SIMC1: variants seen among roughly 807,000 people sequenced by gnomAD.
SIMC1 encodes SUMO interacting motifs containing 1.
In SIMC1, 55 loss-of-function variants were observed where a neutral mutation model predicts 82.3. That is an observed-to-expected ratio of 0.67 (90% CI 0.54 to 0.84). The LOEUF (loss-of-function observed/expected upper bound fraction) is 0.84. SIMC1 is among the 40% of genes least tolerant of loss of function. SIMC1 has a pLI of 0.00. For missense variants in SIMC1, 915 were observed against 1,107.2 expected, an observed-to-expected ratio of 0.83 and a Z score of 2.46; for synonymous variants, 353 against 426.3, an observed-to-expected ratio of 0.83 and a Z score of 2.12.
rs1482414527 is a variant in SIMC1 at position 176,290,154 on chromosome 5, A to G, written c.630A>G (p.Gln210=). ...AAGCACCCTTGCCATGCCCACAGCAAGATGTATCTCGCCCACCACAGGCCT... is the reference window on the plus strand; with the variant it reads ...AAGCACCCTTGCCATGCCCACAGCAGGATGTATCTCGCCCACCACAGGCCT... The part of the protein sequence containing the change: ...NQKAPLPCPQ[Q]DVSRPPQALP... The change falls in exon 2 of 10, where the codon CAA becomes CAG. Residue 210 remains glutamine (Q), a synonymous_variant. Coordinates refer to ENST00000429602, the MANE Select transcript of SIMC1 (RefSeq NM_001308195.2). 1.9e-6 allele frequency: 3 copies of G among 1,609,906 alleles called. No homozygotes were observed. In the African/African-American group the frequency reaches 4.0e-5, roughly 22 times the overall value.
rs1761242456 is a variant in SIMC1, at chr5:176,240,399, C to T, written c.129+1762C>T. ...TTCAGTGGTCAGATGCCATGCTTAT[C>T]TCAGTCTTTTGTGGTCTTTCACATA... On this transcript the variant is annotated intron_variant, in intron 1 of 9. Coordinates refer to ENST00000429602, the MANE Select transcript of SIMC1 (RefSeq NM_001308195.2). 1.9e-5 allele frequency among the ~76,000 whole-genome samples: 2 copies of T among 106,494 alleles called. 1 individual carries two copies. The allele number at this position is 106,494 out of a possible 152,430, so 69.9% of individuals were successfully genotyped here. A position where few individuals can be genotyped will look rare whatever the true frequency, so the allele number is the denominator to read the frequency against.
intron 4 of SIMC1, among the ~76,000 whole-genome samples, chr5:176,303,293 T>C (rs867151783): frequency 1.5e-4 from 22 of 148,888 alleles, no homozygotes; most frequent in African/African-American, 5.4e-4. Flanking sequence ...AAAAAGTTGG[T>C]ATCTTGCAAA....
chr5:176,307,277 G>A (rs748305688), intron 4 of SIMC1, among the ~76,000 whole-genome samples: 6 of 152,226 alleles, frequency 3.9e-5, no homozygotes, highest in South Asian at 2.1e-4. Flanking sequence ...AATGGATATA[G>A]AGTTTCAGTT....
intron 5 of SIMC1, among the ~76,000 whole-genome samples, chr5:176,314,220 T>G (rs1045765878): frequency 2.6e-5 from 4 of 152,172 alleles, no homozygotes; most frequent in African/African-American, 7.2e-5. Context: ...TGAGCCGAGA[T>G]TGCGCCACTG....
At chr5:176,310,747 A>G (rs1301352982) in intron 4 of SIMC1, among the ~76,000 whole-genome samples, 1 of 152,192 alleles carries the variant, frequency 6.6e-6, no homozygotes, top group African/African-American at 2.4e-5. Context: ...GATGTTGATT[A>G]TAACATTTGA....
intron 1 of SIMC1, among the ~76,000 whole-genome samples, chr5:176,285,752 C>G (rs1158607594): frequency 6.6e-6 from 1 of 152,052 alleles, no homozygotes; most frequent in African/African-American, 2.4e-5. Context: ...TCGTCTCAGC[C>G]CAAAATCTCC....
chr5:176,321,885 C>CTTTT (rs11418187), intron 5 of SIMC1, among the ~76,000 whole-genome samples: 2,165 of 90,682 alleles, frequency 0.024, 96 homozygotes, highest in Middle Eastern at 0.058. Context: ...TTTTAGTTAG[C>CTTTT]TTTTTTTTTT....
chr5:176,284,737 G>A (rs957406929), intron 1 of SIMC1, among the ~76,000 whole-genome samples: 1 of 151,996 alleles, frequency 6.6e-6, no homozygotes, highest in African/African-American at 2.4e-5. Flanking sequence ...AATGAATCTA[G>A]GAGCTGGGCA....
chr5:176,329,541 A>AG (rs1765543524), intron 7 of SIMC1, among the ~76,000 whole-genome samples: 1 of 151,852 alleles, frequency 6.6e-6, no homozygotes, highest in Non-Finnish European at 1.5e-5. Context: ...CATCATCACA[A>AG]GGATTCCTTG....
chr5:176,339,130 G>A (rs1453094850), intron 9 of SIMC1, among the ~76,000 whole-genome samples: 8 of 152,120 alleles, frequency 5.3e-5, no homozygotes, highest in East Asian at 1.9e-4. Context: ...TTGGGAGGCC[G>A]AGGCGGGCGA....
chr5:176,341,291 A>T (rs932193459), intron 9 of SIMC1, among the ~76,000 whole-genome samples: 19 of 152,260 alleles, frequency 1.2e-4, no homozygotes, highest in African/African-American at 4.6e-4. Flanking sequence ...AGAACAAGCT[A>T]GCAGGGCAAG....
chr5:176,266,339 C>T (rs1351808504), intron 1 of SIMC1, among the ~76,000 whole-genome samples: 3 of 151,918 alleles, frequency 2.0e-5, no homozygotes, highest in African/African-American at 4.8e-5. Flanking sequence ...AAAAATCATA[C>T]GAAGGGTGAA....
At chr5:176,268,860 G>A (rs1581232084) in intron 1 of SIMC1, among the ~76,000 whole-genome samples, 1 of 152,260 alleles carries the variant, frequency 6.6e-6, no homozygotes, top group Non-Finnish European at 1.5e-5. Flanking sequence ...AACAAATACA[G>A]AATACACTTT....
At chr5:176,251,253 G>A (rs1561670830) in intron 1 of SIMC1, among the ~76,000 whole-genome samples, 1 of 152,136 alleles carries the variant, frequency 6.6e-6, no homozygotes, top group Non-Finnish European at 1.5e-5. Flanking sequence ...CCAGCTACTC[G>A]GGAGGCTGAG....
rs544406816 is a variant in SIMC1, at chr5:176,342,698, A to G, written c.2414-2485A>G. On this transcript the variant is annotated intron_variant, in intron 9 of 9. Transcript: ENST00000429602. ...GACTGCTTTTCCCTTTGACCTTTGC[A>G]TGGTTGCCTCCTCATCCGTCAATAC... Among the ~76,000 whole-genome samples, 5 of 152,204 alleles carry G rather than the reference A, an allele frequency of 3.3e-5. No individual in the cohort carries two copies. In the South Asian group the frequency reaches 1.0e-3, roughly 32 times the overall value.
chr5:176,250,274 T>A (rs1437877200), intron 1 of SIMC1, among the ~76,000 whole-genome samples: 1 of 152,244 alleles, frequency 6.6e-6, no homozygotes, highest in Non-Finnish European at 1.5e-5. Context: ...GTTGTGCAAT[T>A]CTGAGTGAGT....
intron 1 of SIMC1, among the ~76,000 whole-genome samples, chr5:176,248,556 A>C (rs1761529990): frequency 6.6e-6 from 1 of 152,158 alleles, no homozygotes; most frequent in African/African-American, 2.4e-5. Flanking sequence ...CTGCAAACAG[A>C]GATAGTTTGA....
Position 176,345,481 on chromosome 5 carries a change from T to C in SIMC1, c.*36T>C. 6.3e-7 allele frequency: 1 copy of C among 1,583,746 alleles called. No homozygotes were observed. The highest frequency in any genetic ancestry group is 1.2e-5 in the South Asian group (1 of 86,566). On this transcript the variant is annotated 3_prime_UTR_variant, in exon 10 of 10. Coordinates refer to ENST00000429602, the MANE Select transcript of SIMC1 (RefSeq NM_001308195.2). ...AGCACTGAATGCCAAGAATACCTCC[T>C]GAACTCTCTCTCCAACTGCTCAGAA... is the stretch of plus-strand genomic sequence containing the variant.
chr5:176,320,320 A>G (rs1324972907), intron 5 of SIMC1, among the ~76,000 whole-genome samples: 1 of 151,412 alleles, frequency 6.6e-6, no homozygotes, highest in African/African-American at 2.4e-5. Flanking sequence ...AACAGCTTTC[A>G]AGCCATCCTA....
Sources: gnomAD v4.1 joint callset for allele counts (sites outside exome capture counted in the v4.1 genomes callset) on GRCh38, gnomAD v4.1.1 for gene constraint, MANE v1.5 for transcripts, NCBI Gene and HGNC (gene_info 2026-07-23, HGNC 2026-07-21) for gene names.